The following AGAP1 variants were observed in gnomAD, a reference collection of about 807,000 sequenced individuals.
AGAP1 encodes the protein ArfGAP with GTPase domain, ankyrin repeat and PH domain 1.
In AGAP1, 29 loss-of-function variants were observed where a neutral mutation model predicts 105.3. The observed-to-expected ratio is 0.28, with a 90% CI of 0.21 to 0.38. The LOEUF (loss-of-function observed/expected upper bound fraction) is 0.38, where lower values mean the gene tolerates loss of function less well. Among genes scored for constraint, AGAP1 ranks in the 10% least tolerant of loss-of-function variants. The probability of loss-of-function intolerance (pLI) is 1.00; values close to 1 mark genes in which losing one functional copy is unlikely to be tolerated. For synonymous variants in AGAP1, 509 were observed against 485.9 expected (o/e 1.05, Z -0.63); for missense variants, 998 against 1,165.1 (o/e 0.86, Z 2.09).
chr2:235,505,838 C>T (rs1040526821), intron 1 of AGAP1: 2 of 151,638 alleles, frequency 1.3e-5, no homozygotes, highest in Non-Finnish European at 2.9e-5. Context: ...TGACAGCCCC[C>T]GAGAGCAGGC....
chr2:235,922,095 C>T (rs559502438), intron 11 of AGAP1, among the ~76,000 whole-genome samples: 3 of 152,296 alleles, frequency 2.0e-5, no homozygotes, highest in East Asian at 3.9e-4. Flanking sequence ...CCCACACATG[C>T]GCACAACGGG....
chr2:236,004,788 T>A (rs1256264290), intron 13 of AGAP1, among the ~76,000 whole-genome samples: 1 of 152,240 alleles, frequency 6.6e-6, no homozygotes, highest in Non-Finnish European at 1.5e-5. Context: ...ATATAGTGTG[T>A]GTGCCACAGT....
At chr2:235,718,566 T>G (rs996917704) in intron 3 of AGAP1, among the ~76,000 whole-genome samples, 33 of 152,310 alleles carry the variant, frequency 2.2e-4, no homozygotes, top group African/African-American at 7.7e-4. Context: ...CTTAGTTGTC[T>G]TTTTAGCAGT....
At chr2:235,522,317 A>G (rs963425327) in intron 1 of AGAP1, among the ~76,000 whole-genome samples, 4 of 152,132 alleles carry the variant, frequency 2.6e-5, no homozygotes, top group African/African-American at 9.7e-5. Context: ...GGTGGTAAGG[A>G]GTGGGCACAT....
At chr2:235,595,992 G>A (rs770675671) in intron 1 of AGAP1, among the ~76,000 whole-genome samples, 4 of 152,294 alleles carry the variant, frequency 2.6e-5, no homozygotes, top group Admixed American at 6.5e-5. Flanking sequence ...TACAGGGGCC[G>A]GCAGATGTTT....
At chr2:235,670,060 G>C (rs1948294986) in intron 1 of AGAP1, 2 of 391,752 alleles carry the variant, frequency 5.1e-6, no homozygotes, top group African/African-American at 2.1e-5. Context: ...CCCGGCCCGC[G>C]GGCTCGCTGG....
chr2:236,099,120 A>C (rs1350523567), intron 16 of AGAP1, among the ~76,000 whole-genome samples: 2 of 151,812 alleles, frequency 1.3e-5, no homozygotes, highest in Non-Finnish European at 2.9e-5. Context: ...GGGACTTCCC[A>C]GTTATGTCAG....
intron 9 of AGAP1, among the ~76,000 whole-genome samples, chr2:235,836,793 C>T (rs1960214216): frequency 6.6e-6 from 1 of 152,148 alleles, no homozygotes; most frequent in Non-Finnish European, 1.5e-5. Context: ...TCTAAAGCTC[C>T]CTCCTCGAGA....
chr2:235,607,147 A>G (rs1945969469), intron 1 of AGAP1, among the ~76,000 whole-genome samples: 1 of 151,974 alleles, frequency 6.6e-6, no homozygotes, highest in Non-Finnish European at 1.5e-5. Context: ...AAGGGGCAGA[A>G]GTGGGACCAC....
chr2:235,966,097 G>A (rs532502551), intron 12 of AGAP1, among the ~76,000 whole-genome samples: 104 of 133,402 alleles, frequency 7.8e-4, no homozygotes, highest in African/African-American at 2.5e-3. Context: ...AGGGGAGCCC[G>A]TTCCTCTGGG....
At chr2:235,767,765 C>A (rs11895678) in intron 6 of AGAP1, among the ~76,000 whole-genome samples, 1 of 145,834 alleles carries the variant, frequency 6.9e-6, no homozygotes, top group Non-Finnish European at 1.5e-5. Flanking sequence ...ATAGAATCTT[C>A]CAGTTTCTTG....
chr2:235,878,048 C>T (rs1419904767), intron 9 of AGAP1, among the ~76,000 whole-genome samples: 1 of 152,164 alleles, frequency 6.6e-6, no homozygotes, highest in East Asian at 1.9e-4. Flanking sequence ...GAAGGGCCCA[C>T]GGTGCCCGTG....
Position 235,982,911 on chromosome 2 carries a change from C to A in AGAP1, c.1645+14288C>A, listed in dbSNP as rs1370134138. On this transcript the variant is annotated intron_variant, in intron 13 of 17. Transcript: ENST00000304032. This position sits in a 1 kb window ranked among gnomAD's most constrained non-coding sequence, Gnocchi z 4.9. Reference sequence around the variant, plus strand: ...TTTCCCACGTTCTTTTACTTGAGTTCTGAGACAAGATTTGATACCCATTCA... The same window carrying A: ...TTTCCCACGTTCTTTTACTTGAGTTATGAGACAAGATTTGATACCCATTCA... 1.3e-5 allele frequency among the ~76,000 whole-genome samples: 2 copies of A among 152,210 alleles called. No individual in the cohort carries two copies. The highest frequency in any genetic ancestry group is 2.4e-5 in the African/African-American group (1 of 41,466).
intron 6 of AGAP1, among the ~76,000 whole-genome samples, chr2:235,772,776 C>T (rs1272705042): frequency 1.3e-5 from 2 of 152,186 alleles, no homozygotes; most frequent in South Asian, 2.1e-4. Context: ...GAACCAGCCG[C>T]GAGTAGACAG....
intron 1 of AGAP1, among the ~76,000 whole-genome samples, chr2:235,698,524 A>G (rs548840618): frequency 6.6e-6 from 1 of 152,206 alleles, no homozygotes; most frequent in Non-Finnish European, 1.5e-5. Context: ...ATCCCTATTC[A>G]ACATTTTCAC....
At chr2:235,975,406 C>T (rs977079876) in intron 13 of AGAP1, among the ~76,000 whole-genome samples, 3 of 152,134 alleles carry the variant, frequency 2.0e-5, no homozygotes, top group Admixed American at 6.5e-5. Context: ...AATCTGTAAC[C>T]ATCCGGTTAG....
chr2:236,047,486 G>C (rs567107209), intron 15 of AGAP1, among the ~76,000 whole-genome samples: 2 of 151,076 alleles, frequency 1.3e-5, no homozygotes, highest in East Asian at 2.0e-4. Context: ...TTTCAGCGTT[G>C]AGTCTCTGCA....
intron 9 of AGAP1, among the ~76,000 whole-genome samples, chr2:235,826,028 A>G (rs1269783773): frequency 6.6e-6 from 1 of 152,148 alleles, no homozygotes; most frequent in African/African-American, 2.4e-5. Context: ...AAAAAAATAG[A>G]AACCCTCTCA....
At chr2:235,928,115 G>A (rs574444493) in intron 11 of AGAP1, among the ~76,000 whole-genome samples, 1 of 152,302 alleles carries the variant, frequency 6.6e-6, no homozygotes, top group South Asian at 2.1e-4. Flanking sequence ...CGCACCCCCA[G>A]CTGCTTGCAG....
Sources: gnomAD v4.1 joint callset for allele counts (sites outside exome capture counted in the v4.1 genomes callset) on GRCh38, gnomAD v4.1.1 for gene constraint, Gnocchi (gnomAD v3.1) non-coding constraint, MANE v1.5 for transcripts, NCBI Gene and HGNC (gene_info 2026-07-23, HGNC 2026-07-21) for gene names.